TANC1: variants seen among roughly 807,000 people sequenced by gnomAD.
TANC1 encodes tetratricopeptide repeat, ankyrin repeat and coiled-coil containing 1.
Under a neutral mutation model 149.7 loss-of-function variants are expected in TANC1, and 77 were observed. That is an observed-to-expected ratio of 0.51 (90% CI 0.43 to 0.62). The LOEUF is 0.62. Ranked by LOEUF, TANC1 falls within the 20% of genes least tolerant of loss-of-function variation. The pLI is 0.00. For missense variants in TANC1, 1,985 were observed against 2,321.8 expected, an observed-to-expected ratio of 0.85 and a Z score of 2.98; for synonymous variants, 854 against 925.0, an observed-to-expected ratio of 0.92 and a Z score of 1.39.
intron 1 of TANC1, among the ~76,000 whole-genome samples, chr2:158,988,045 G>A (rs571321071): frequency 7.2e-5 from 11 of 152,158 alleles, no homozygotes; most frequent in East Asian, 5.8e-4. Flanking sequence ...AAAAGTGGCC[G>A]GGCGTGGTGG....
intron 15 of TANC1, 158 bp from the exon 16 acceptor site, chr2:159,186,744 G>T (rs958307293): frequency 2.4e-5 from 20 of 822,366 alleles, no homozygotes; most frequent in Non-Finnish European, 3.4e-5. Flanking sequence ...GTGAAAGCTC[G>T]CATGTCCAGG....
At chr2:159,060,851 A>G (rs1213136731) in intron 2 of TANC1, among the ~76,000 whole-genome samples, 1 of 152,212 alleles carries the variant, frequency 6.6e-6, no homozygotes, top group Non-Finnish European at 1.5e-5. Context: ...AGACTGAAAT[A>G]GATTTTGTCT....
chr2:159,036,311 C>T (rs1427726896), intron 2 of TANC1, among the ~76,000 whole-genome samples: 4 of 152,164 alleles, frequency 2.6e-5, no homozygotes, highest in South Asian at 2.1e-4. Context: ...CTTAGAAGCT[C>T]TTGCAGCATT....
At chr2:159,089,982 G>A (rs982131850) in intron 3 of TANC1, among the ~76,000 whole-genome samples, 1 of 152,178 alleles carries the variant, frequency 6.6e-6, no homozygotes, top group Non-Finnish European at 1.5e-5. Context: ...TCTTAAAATT[G>A]ACACATGGCT....
At chr2:159,225,892 C>A in intron 24 of TANC1, 113 bp downstream of exon 24, 1 of 873,052 alleles carries the variant, frequency 1.1e-6, no homozygotes, top group Non-Finnish European at 1.9e-6. Flanking sequence ...AATAGAAGTG[C>A]AAAAAGTGGC....
intron 14 of TANC1, among the ~76,000 whole-genome samples, chr2:159,179,982 G>C (rs150146585): frequency 2.6e-5 from 4 of 152,332 alleles, no homozygotes; most frequent in African/African-American, 9.6e-5. Context: ...CCCTGCTGTA[G>C]TAACAGGGCT....
intron 2 of TANC1, among the ~76,000 whole-genome samples, chr2:159,036,551 G>A (rs956460039): frequency 2.0e-5 from 3 of 151,482 alleles, no homozygotes; most frequent in Admixed American, 6.6e-5. Context: ...GATGTTTCCC[G>A]CCCTGTGTCC....
intron 3 of TANC1, among the ~76,000 whole-genome samples, chr2:159,066,338 C>A (rs1183981293): frequency 6.6e-6 from 1 of 152,038 alleles, no homozygotes; most frequent in Non-Finnish European, 1.5e-5. Flanking sequence ...CTCTTGAGCC[C>A]AGGAGTTCAA....
At chr2:159,056,203 TC>T in intron 2 of TANC1, 1 of 236,300 alleles carries the variant, frequency 4.2e-6, no homozygotes, top group South Asian at 7.0e-5. Flanking sequence ...AGGTGAGCTT[TC>T]CCCTGCAAAC....
intron 2 of TANC1, among the ~76,000 whole-genome samples, chr2:159,040,208 A>G (rs2040519385): frequency 6.6e-6 from 1 of 152,058 alleles, no homozygotes; most frequent in African/African-American, 2.4e-5. Context: ...TGCTTGGTAG[A>G]TCTTCCTCCA....
chr2:159,170,897 T>C lies in TANC1; in HGVS notation c.1351+92T>C. On this transcript the variant is annotated intron_variant, in intron 10 of 26. Coordinates refer to ENST00000263635, the MANE Select transcript of TANC1 (RefSeq NM_033394.3). ...CATAGACATAAAATACCAATTTTCC[T>C]CAAGTTGTTGCAGCTACTATATCAG... 9 of 1,414,432 alleles carry C rather than the reference T, an allele frequency of 6.4e-6. 1 individual carries two copies. In the South Asian group the frequency reaches 1.1e-4, roughly 17 times the overall value. 87.6% of individuals were successfully genotyped at this position (1,414,432 alleles called of 1,614,324 possible).
chr2:158,986,613 T>C (rs747526231), intron 1 of TANC1, among the ~76,000 whole-genome samples: 2 of 152,132 alleles, frequency 1.3e-5, no homozygotes, highest in African/African-American at 2.4e-5. Flanking sequence ...AGCTCCTGGG[T>C]TGAGAGTGAG....
At chr2:159,156,279 C>CT (rs893433471) in intron 7 of TANC1, among the ~76,000 whole-genome samples, 16 of 151,912 alleles carry the variant, frequency 1.1e-4, no homozygotes, top group African/African-American at 2.7e-4. Context: ...TTATAGAAGC[C>CT]TTTTTTTTAA....
intron 2 of TANC1, among the ~76,000 whole-genome samples, chr2:159,036,643 A>G (rs1464258818): frequency 2.0e-5 from 3 of 152,088 alleles, no homozygotes; most frequent in African/African-American, 7.2e-5. Context: ...GTTTGCTGAG[A>G]ATGATAGTTT....
chr2:158,994,652 A>G (rs1055032482), intron 1 of TANC1, among the ~76,000 whole-genome samples: 5 of 152,218 alleles, frequency 3.3e-5, no homozygotes, highest in East Asian at 1.9e-4. Context: ...TCGTGTCTCA[A>G]TTTGAGATCT....
chr2:159,158,741 A>C (rs1229562825), intron 7 of TANC1, among the ~76,000 whole-genome samples: 1 of 152,216 alleles, frequency 6.6e-6, no homozygotes, highest in Non-Finnish European at 1.5e-5. Context: ...CTTTACTCCT[A>C]AGTTTCCTGA....
At chr2:159,221,491 C>T (rs1405755961) in intron 22 of TANC1, among the ~76,000 whole-genome samples, 4 of 152,224 alleles carry the variant, frequency 2.6e-5, no homozygotes, top group East Asian at 3.9e-4. Context: ...CCGGTGCCTA[C>T]CCTTTCCGCA....
At chr2:159,139,724 TGTCA>T (rs1202037631) in intron 5 of TANC1, among the ~76,000 whole-genome samples, 5 of 146,750 alleles carry the variant, frequency 3.4e-5, no homozygotes, top group African/African-American at 1.2e-4. Context: ...GATATCTTCA[TGTCA>T]GTCAGTGACG....
At chr2:158,975,253 G>A (rs1443893611) in intron 1 of TANC1, among the ~76,000 whole-genome samples, 1 of 151,988 alleles carries the variant, frequency 6.6e-6, no homozygotes, top group Non-Finnish European at 1.5e-5. Flanking sequence ...ACCTAGGTTT[G>A]TTGAATCTGT....
Sources: gnomAD v4.1 joint callset for allele counts (sites outside exome capture counted in the v4.1 genomes callset) on GRCh38, gnomAD v4.1.1 for gene constraint, MANE v1.5 for transcripts, NCBI Gene and HGNC (gene_info 2026-07-23, HGNC 2026-07-21) for gene names.